NPAS3: variants seen among roughly 807,000 people sequenced by gnomAD.
NPAS3 encodes the protein neuronal PAS domain protein 3, also known as neuronal PAS domain-containing protein 3.
Under a neutral mutation model 73.1 loss-of-function variants are expected in NPAS3, and 14 were observed. The ratio of observed to expected loss-of-function variants is 0.19; its 90% confidence interval spans 0.13 to 0.30. The LOEUF is 0.30. Ranked by LOEUF, NPAS3 falls within the 10% of genes least tolerant of loss-of-function variation. The probability of loss-of-function intolerance (pLI) is 1.00; values close to 1 mark genes in which losing one functional copy is unlikely to be tolerated. For missense variants in NPAS3, 1,096 were observed against 1,250.0 expected, an observed-to-expected ratio of 0.88 and a Z score of 1.86; for synonymous variants, 620 against 541.5, an observed-to-expected ratio of 1.14 and a Z score of -2.01.
At chr14:33,585,064 C>CTTT (rs111657607) in intron 5 of NPAS3, among the ~76,000 whole-genome samples, 1 of 150,936 alleles carries the variant, frequency 6.6e-6, no homozygotes, top group African/African-American at 2.4e-5. Context: ...AAGTTCAATT[C>CTTT]TTTCTTTTTT....
At chr14:33,384,639 G>A (rs2046699661) in intron 4 of NPAS3, among the ~76,000 whole-genome samples, 1 of 152,184 alleles carries the variant, frequency 6.6e-6, no homozygotes, top group South Asian at 2.1e-4. Context: ...TGAGGCAGGA[G>A]AATCACTTGA....
intron 1 of NPAS3, among the ~76,000 whole-genome samples, chr14:32,961,420 A>AG (rs919636865): frequency 3.9e-5 from 6 of 151,934 alleles, no homozygotes; most frequent in Non-Finnish European, 7.4e-5. Flanking sequence ...AAAAAAAAAA[A>AG]AAAAAGAAAA....
intron 2 of NPAS3, among the ~76,000 whole-genome samples, chr14:33,176,368 C>T (rs981940781): frequency 6.6e-6 from 1 of 152,044 alleles, no homozygotes. Context: ...AATAGCCCCT[C>T]CCTGCTTATC....
intron 1 of NPAS3, among the ~76,000 whole-genome samples, chr14:32,952,180 G>T (rs138080983): frequency 6.6e-6 from 1 of 151,898 alleles, no homozygotes. Context: ...AGTAATAATT[G>T]AATATACCGC....
At chr14:33,011,897 G>A (rs1448382696) in intron 1 of NPAS3, among the ~76,000 whole-genome samples, 2 of 152,232 alleles carry the variant, frequency 1.3e-5, no homozygotes, top group South Asian at 2.1e-4. Context: ...GTTTCGAAAG[G>A]CCAGGGTTCA....
intron 3 of NPAS3, among the ~76,000 whole-genome samples, chr14:33,223,006 C>T (rs1285198525): frequency 1.3e-5 from 2 of 152,024 alleles, no homozygotes; most frequent in African/African-American, 4.8e-5. Context: ...CGTGGTTCTC[C>T]GTGTGGATGT....
intron 5 of NPAS3, among the ~76,000 whole-genome samples, chr14:33,564,622 T>C (rs939543404): frequency 1.3e-5 from 2 of 152,196 alleles, no homozygotes; most frequent in African/African-American, 2.4e-5. Flanking sequence ...ACTCACATCC[T>C]GCATTTTCTT....
chr14:33,237,820 A>G (rs1317581237), intron 3 of NPAS3, among the ~76,000 whole-genome samples: 1 of 151,932 alleles, frequency 6.6e-6, no homozygotes, highest in Non-Finnish European at 1.5e-5. Flanking sequence ...GAAGATAAGT[A>G]TATTAAAATA....
chr14:33,204,116 G>C (rs1286125789), intron 2 of NPAS3, among the ~76,000 whole-genome samples: 2 of 152,114 alleles, frequency 1.3e-5, no homozygotes, highest in Non-Finnish European at 2.9e-5. Context: ...GCATAAATGG[G>C]CTGAGCACTT....
intron 2 of NPAS3, among the ~76,000 whole-genome samples, chr14:33,127,092 A>G (rs2043454870): frequency 1.3e-5 from 1 of 77,032 alleles, no homozygotes; most frequent in South Asian, 3.8e-4. Flanking sequence ...CCTGCTTTTG[A>G]AAAAAAAAAA....
intron 2 of NPAS3, among the ~76,000 whole-genome samples, chr14:33,062,753 C>G (rs892671053): frequency 3.9e-5 from 6 of 152,200 alleles, no homozygotes; most frequent in Non-Finnish European, 8.8e-5. Flanking sequence ...GTTCAAAAAT[C>G]GCTAACAGGT....
chr14:33,538,028 T>TAGAACATAAACCTGTGC lies in NPAS3; in HGVS notation c.469-22090_469-22089insACATAAACCTGTGCAGA, dbSNP rs565370107. Reference sequence around the variant, plus strand: ...AGCTAAGCATCGGGTTGTGGTGGCATAGACCATAAACCTGTGCAGACCACT... The same window carrying TAGAACATAAACCTGTGC: ...AGCTAAGCATCGGGTTGTGGTGGCATAGAACATAAACCTGTGCAGACCATAAACCTGTGCAGACCACT... On this transcript the variant is annotated intron_variant, in intron 4 of 11. Coordinates refer to ENST00000356141, the Ensembl canonical transcript of NPAS3. 3.3e-3 allele frequency among the ~76,000 whole-genome samples: 509 copies of TAGAACATAAACCTGTGC among 152,312 alleles called. 5 individuals carry two copies. Among genetic ancestry groups the TAGAACATAAACCTGTGC allele is most frequent in the African/African-American group, 0.012 (486 of 41,566 alleles).
chr14:33,795,690 C>T (rs977632996), intron 10 of NPAS3, among the ~76,000 whole-genome samples: 1 of 152,190 alleles, frequency 6.6e-6, no homozygotes, highest in African/African-American at 2.4e-5. Context: ...CTATCTGGAT[C>T]TTTCTTACTG....
intron 2 of NPAS3, among the ~76,000 whole-genome samples, chr14:33,169,384 A>G (rs914540848): frequency 4.6e-5 from 7 of 152,194 alleles, no homozygotes; most frequent in African/African-American, 1.7e-4. Flanking sequence ...CCTGGCCAGC[A>G]TGGCAAAACC....
chr14:33,764,985 C>A (rs948587107), intron 7 of NPAS3, among the ~76,000 whole-genome samples: 3 of 152,128 alleles, frequency 2.0e-5, no homozygotes, highest in Non-Finnish European at 4.4e-5. Context: ...TTTACATAAT[C>A]TCATTAAGGA....
chr14:33,371,437 G>A (rs547676846), intron 4 of NPAS3, among the ~76,000 whole-genome samples: 4 of 152,230 alleles, frequency 2.6e-5, no homozygotes, highest in African/African-American at 9.6e-5. Flanking sequence ...ATGGGATCAA[G>A]CATTTTGTGC....
intron 4 of NPAS3, among the ~76,000 whole-genome samples, chr14:33,463,260 T>C (rs929879720): frequency 2.2e-4 from 33 of 152,188 alleles, no homozygotes; most frequent in African/African-American, 7.5e-4. Context: ...TAAGTAGCCA[T>C]CATCCAACCA....
At chr14:33,599,333 A>G (rs546888027) in intron 5 of NPAS3, among the ~76,000 whole-genome samples, 1 of 152,174 alleles carries the variant, frequency 6.6e-6, no homozygotes, top group Non-Finnish European at 1.5e-5. Context: ...ATCTTTGTAT[A>G]TTTTGAAGAA....
chr14:33,000,470 TATG>T (rs1350871304), intron 1 of NPAS3, among the ~76,000 whole-genome samples: 1 of 152,208 alleles, frequency 6.6e-6, no homozygotes, highest in African/African-American at 2.4e-5. Flanking sequence ...TGCATGTATT[TATG>T]TTATAGACAC....
Sources: allele counts gnomAD v4.1 joint callset (sites outside exome capture counted in the v4.1 genomes callset), GRCh38; gene constraint gnomAD v4.1.1; transcripts MANE v1.5; gene names NCBI Gene and HGNC (gene_info 2026-07-23, HGNC 2026-07-21).